Variants in LRP4 observed in about 807,000 individuals in gnomAD.
LRP4 encodes the protein LDL receptor related protein 4.
A neutral mutation model predicts 220.3 loss-of-function variants in LRP4; 95 were observed. That is an observed-to-expected ratio of 0.43 (90% CI 0.37 to 0.51). The LOEUF (loss-of-function observed/expected upper bound fraction) is 0.51. LRP4 is among the 20% of genes least tolerant of loss of function. The pLI is 0.00. For missense variants in LRP4, 1,925 were observed against 2,567.0 expected, an observed-to-expected ratio of 0.75 and a Z score of 5.40; for synonymous variants, 903 against 954.6, an observed-to-expected ratio of 0.95 and a Z score of 1.00.
At position 46,898,989 on chromosome 11, in the gene LRP4, C is replaced by T. The variant is rs1199299804; in HGVS notation, c.591G>A (p.Gln197=). The T allele has an allele frequency of 3.7e-6, 6 of 1,613,768 alleles. No individual in the cohort carries two copies. The highest frequency in any genetic ancestry group is 5.1e-6 in the Non-Finnish European group (6 of 1,179,994). ...PAPPCNLEEF[Q]CAYGRCILDI... ...CGAGGATGCAGCGTCCATAGGCACA[C>T]TGGAACTCCTCCAGGTTGCAGGGGG... is the stretch of plus-strand genomic sequence containing the variant. The change falls in exon 6 of 38, where the codon CAG becomes CAA. Residue 197 remains glutamine (Q), a synonymous_variant. Coordinates refer to ENST00000378623, the MANE Select transcript of LRP4 (RefSeq NM_002334.4).
chr11:46,888,548 C>CAAAAAAAAAAAAAAAAAAA lies in LRP4; in HGVS notation c.2215+844_2215+862dup, dbSNP rs71042635. ...AGCCTGGACAAGAGCAAAACTGTCT[C>CAAAAAAAAAAAAAAAAAAA]AAAAAAAAAAAAAAAAAAAAAAAAA... On this transcript the variant is annotated intron_variant, in intron 16 of 37. Transcript: ENST00000378623. Among the ~76,000 whole-genome samples the CAAAAAAAAAAAAAAAAAAA allele has an allele frequency of 5.1e-4, 16 of 31,310 alleles. 2 individuals carry two copies. The highest frequency in any genetic ancestry group is 1.4e-3 in the Admixed American group (2 of 1,466). The allele number at this position is 31,310 out of a possible 152,430, so 20.5% of individuals were successfully genotyped here. A position where few individuals can be genotyped will look rare whatever the true frequency, so the allele number is the denominator to read the frequency against.
intron 34 of LRP4, among the ~76,000 whole-genome samples, chr11:46,865,730 C>T (rs998646411): frequency 1.3e-5 from 2 of 152,208 alleles, no homozygotes; most frequent in African/African-American, 4.8e-5. Context: ...ATCTCCTAAA[C>T]AGCCAGAGGA....
chr11:46,873,728 A>T lies in LRP4; in HGVS notation c.4230-135T>A. The T allele has an allele frequency of 1.5e-6, 1 of 649,378 alleles. No individual in the cohort carries two copies. Among genetic ancestry groups the T allele is most frequent in the Non-Finnish European group, 2.7e-6 (1 of 373,840 alleles). 40.2% of individuals were successfully genotyped at this position (649,378 alleles called of 1,614,324 possible). Reference sequence around the variant, plus strand: ...ATAGAGACCAGGTATCTATGAGTACATTCCTCAGCACCCAGCATGATAGAT... The same window carrying T: ...ATAGAGACCAGGTATCTATGAGTACTTTCCTCAGCACCCAGCATGATAGAT... On this transcript the variant is annotated intron_variant, in intron 28 of 37. Transcript: ENST00000378623. This position sits in a 1 kb window ranked among gnomAD's most constrained non-coding sequence, Gnocchi z 4.2.
intron 19 of LRP4, among the ~76,000 whole-genome samples, chr11:46,883,544 A>G (rs1369994274): frequency 6.6e-6 from 1 of 152,214 alleles, no homozygotes; most frequent in Non-Finnish European, 1.5e-5. Context: ...ATCTATAGAA[A>G]CAATGCTAAT....
At position 46,899,885 on chromosome 11, in the gene LRP4, G is replaced by A. The variant is rs372375214; in HGVS notation, c.408C>T (p.Gly136=). 6.2e-6 allele frequency: 10 copies of A among 1,613,920 alleles called. No individual in the cohort carries two copies. Among genetic ancestry groups the A allele is most frequent in the East Asian group, 4.5e-5 (2 of 44,878 alleles). ...CACCACACTGCTCATCGCTGTTGTC[G>A]CCACAGTCATTGTCACCATCGCAGT... ...LWHCDGDNDC[G]DNSDEQCDMR... is the part of the protein sequence containing the mutation. The change falls in exon 4 of 38, where the codon GGC becomes GGT. Residue 136 remains glycine, a synonymous_variant. Coordinates refer to ENST00000378623, the MANE Select transcript of LRP4 (RefSeq NM_002334.4). The surrounding 1 kb of genome is among the most constrained non-coding windows in gnomAD (Gnocchi z 5.9).
chr11:46,877,131 A>G, intron 23 of LRP4, 68 bp downstream of exon 23: 1 of 1,562,358 alleles, frequency 6.4e-7, no homozygotes, highest in East Asian at 2.2e-5. Context: ...AGGTGGTGGG[A>G]GAGGAAAGAC....
chr11:46,872,571 C>T lies in LRP4; in HGVS notation c.4583+529G>A, dbSNP rs139143529. On this transcript the variant is annotated intron_variant, in intron 30 of 37. Coordinates refer to ENST00000378623, the MANE Select transcript of LRP4 (RefSeq NM_002334.4). ...CCAGCCTGGGCAACATAGCGAGATGCTGTCTCTACAAAAAATTTAGAAATT... is the reference window on the plus strand; with the variant it reads ...CCAGCCTGGGCAACATAGCGAGATGTTGTCTCTACAAAAAATTTAGAAATT... 6.9e-3 allele frequency among the ~76,000 whole-genome samples: 1,054 copies of T among 152,318 alleles called. 9 individuals carry two copies. Among genetic ancestry groups the T allele is most frequent in the Middle Eastern group, 0.031 (9 of 294 alleles).
In LRP4 at chr11:46,900,336, C is replaced by T; in HGVS notation, c.242G>A (p.Gly81Asp). The T allele has an allele frequency of 6.2e-7, 1 of 1,614,040 alleles. No homozygotes were observed. Among genetic ancestry groups the T allele is most frequent in the Non-Finnish European group, 8.5e-7 (1 of 1,179,964 alleles). ...CACCCAGGAGCGGCGGATGCACTTG[C>T]CATTGTCACAGTGAAAGTCAAGAGG... ...CSPLDFHCDN[G>D]KCIRRSWVCD... is the part of the protein sequence containing the mutation. Residue 81 changes from glycine to aspartate, a missense_variant, in exon 3 of 38, where the codon GGC becomes GAC. Transcript: ENST00000378623.
At chr11:46,900,132 G>T in intron 3 of LRP4, 130 bp downstream of exon 3, 1 of 953,510 alleles carries the variant, frequency 1.0e-6, no homozygotes. Context: ...GACTTCGAGA[G>T]GAAGTGAAAG....
At chr11:46,874,765 T>C (rs756394845) in intron 28 of LRP4, 35 bp downstream of exon 28, 8 of 1,599,768 alleles carry the variant, frequency 5.0e-6, no homozygotes, top group Non-Finnish European at 6.9e-6. Context: ...CAGAAGCAAA[T>C]CTGTGTCTTC....
intron 16 of LRP4, among the ~76,000 whole-genome samples, chr11:46,888,548 C>CAAAAAGAAAAA (rs1941348217): frequency 3.2e-5 from 1 of 31,304 alleles, no homozygotes; most frequent in Non-Finnish European, 7.2e-5. Context: ...AAAACTGTCT[C>CAAAAAGAAAAA]AAAAAAAAAA....
Position 46,873,702 on chromosome 11 carries a change from G to A in LRP4, c.4230-109C>T, listed in dbSNP as rs141085397. On this transcript the variant is annotated intron_variant, in intron 28 of 37. Transcript: ENST00000378623. This position sits in a 1 kb window ranked among gnomAD's most constrained non-coding sequence, Gnocchi z 4.2. ...CCCACTGAACTGTAAGCTCCACAGG[G>A]ATAGAGACCAGGTATCTATGAGTAC... 0.013 allele frequency: 10,408 copies of A among 797,108 alleles called. 86 individuals are homozygous for A. The highest frequency in any genetic ancestry group is 0.017 in the Non-Finnish European group (8,561 of 491,022). The allele number at this position is 797,108 out of a possible 1,614,324, so 49.4% of individuals were successfully genotyped here.
At position 46,858,040 on chromosome 11, in the gene LRP4, C is replaced by T. The variant is rs1055049230; in HGVS notation, c.*943G>A. 6.6e-6 allele frequency: 1 copy of T among 152,374 alleles called. No individual in the cohort carries two copies. Among genetic ancestry groups the T allele is most frequent in the Non-Finnish European group, 1.5e-5 (1 of 68,082 alleles). The allele number at this position is 152,374 out of a possible 1,614,324, so 9.4% of individuals were successfully genotyped here. On this transcript the variant is annotated 3_prime_UTR_variant, in exon 38 of 38. Transcript: ENST00000378623. The stretch of plus-strand genomic sequence containing the variant: ...TTTCTAGGTCTCTTCCCCAGAATCC[C>T]AGGACATGAGGGAGAGAGGGGTCAG...
At chr11:46,885,813 A>T (rs1215342567) in intron 18 of LRP4, among the ~76,000 whole-genome samples, 3 of 151,084 alleles carry the variant, frequency 2.0e-5, no homozygotes, top group Non-Finnish European at 2.9e-5. Context: ...CCAGAAAGCG[A>T]TGGAAAGAAA....
chr11:46,894,453 A>G, intron 12 of LRP4, 136 bp downstream of exon 12: 1 of 705,586 alleles, frequency 1.4e-6, no homozygotes, highest in Non-Finnish European at 2.5e-6. Context: ...TTTCTATATT[A>G]GGGCTCCAAC....
rs751407728 is a variant in LRP4, at chr11:46,868,006, C to T, written c.5060G>A (p.Arg1687His). ...TTLYSSTTRT[R>H]TSLEEVEGRC... ...TCCTTCCACCTCCTCCAGAGACGTG[C>T]GGGTCCGGGTGGTTGAAGAATACAA... Residue 1687 changes from arginine (R) to histidine (H), a missense_variant, in exon 34 of 38, where the codon CGC becomes CAC. Transcript: ENST00000378623. The T allele has an allele frequency of 8.7e-6, 14 of 1,614,006 alleles. No individual in the cohort carries two copies. The highest frequency in any genetic ancestry group is 7.7e-5 in the South Asian group (7 of 91,080).
chr11:46,862,497 G>A, intron 37 of LRP4, 109 bp downstream of exon 37: 1 of 1,108,406 alleles, frequency 9.0e-7, no homozygotes, highest in African/African-American at 1.5e-5. Flanking sequence ...CTTCCAAAAT[G>A]GTAGATGGGA....
intron 12 of LRP4, 81 bp from the exon 13 acceptor site, chr11:46,893,210 A>G: frequency 6.5e-7 from 1 of 1,536,560 alleles, no homozygotes; most frequent in East Asian, 2.3e-5. Flanking sequence ...AAACTCTTAC[A>G]GGAAGCAATT....
chr11:46,868,881 C>G (rs935376924), intron 32 of LRP4, 107 bp downstream of exon 32: 37 of 1,504,846 alleles, frequency 2.5e-5, no homozygotes, highest in Non-Finnish European at 3.1e-5. Context: ...AAATGTGAAC[C>G]AAGAAGCTCT....
Sources: gnomAD v4.1 joint callset for allele counts (sites outside exome capture counted in the v4.1 genomes callset) on GRCh38, gnomAD v4.1.1 for gene constraint, Gnocchi (gnomAD v3.1) non-coding constraint, MANE v1.5 for transcripts, NCBI Gene and HGNC (gene_info 2026-07-23, HGNC 2026-07-21) for gene names.